DNAJB2: variants seen among roughly 807,000 people sequenced by gnomAD.
The protein encoded by DNAJB2 is dnaJ homolog subfamily B member 2.
A neutral mutation model predicts 33.3 loss-of-function variants in DNAJB2; 19 were observed. That is an observed-to-expected ratio of 0.57 (90% CI 0.40 to 0.84). The LOEUF is 0.84. Among genes scored for constraint, DNAJB2 ranks in the 40% least tolerant of loss-of-function variants. The pLI is 0.00. For synonymous variants in DNAJB2, 172 were observed against 164.6 expected, an observed-to-expected ratio of 1.04 and a Z score of -0.34; for missense variants, 368 against 430.9, an observed-to-expected ratio of 0.85 and a Z score of 1.29.
Position 219,285,126 on chromosome 2 carries a change from C to G in DNAJB2, c.*139C>G, listed in dbSNP as rs1460350277. ...CCTCCACAAGTTTCCCTCCCAGGCC[C>G]CCCACACCCCAGTGTGGACTTGGGA... On this transcript the variant is annotated 3_prime_UTR_variant, in exon 9 of 9. Coordinates refer to ENST00000336576, the MANE Select transcript of DNAJB2 (RefSeq NM_006736.6). The G allele has an allele frequency of 6.5e-6, 9 of 1,377,776 alleles. No individual in the cohort carries two copies. The highest frequency in any genetic ancestry group is 1.4e-5 in the African/African-American group (1 of 68,994). The allele number at this position is 1,377,776 out of a possible 1,614,324, so 85.3% of individuals were successfully genotyped here. A position where few individuals can be genotyped will look rare whatever the true frequency, so the allele number is the denominator to read the frequency against.
At chr2:219,280,082 A>C (rs914530440) in intron 2 of DNAJB2, 184 bp downstream of exon 2, 1 of 627,674 alleles carries the variant, frequency 1.6e-6, no homozygotes, top group African/African-American at 1.8e-5. Context: ...GAGAACGTCC[A>C]GAGAGTGAAG....
At chr2:219,282,728 A>G (rs966554868) in intron 5 of DNAJB2, 109 bp from the exon 6 acceptor site, 35 of 1,091,896 alleles carry the variant, frequency 3.2e-5, no homozygotes, top group Non-Finnish European at 4.4e-5. Flanking sequence ...AGCGGAAAAG[A>G]AAAACCCTAC....
Position 219,280,574 on chromosome 2 carries a change from G to A in DNAJB2, c.66-4G>A, listed in dbSNP as rs753872606. The A allele has an allele frequency of 8.9e-5, 144 of 1,612,682 alleles. No individual in the cohort carries two copies. The highest frequency in any genetic ancestry group is 1.1e-4 in the Non-Finnish European group (128 of 1,178,970). On this transcript the variant is annotated splice_polypyrimidine_tract_variant and splice_region_variant and intron_variant, in intron 2 of 8. Transcript: ENST00000336576. ...ACTCTCTCCTCTGCACCCACTTTCT[G>A]CAGGTATCGGCGCAAGGCTCTCCAG... is the stretch of plus-strand genomic sequence containing the variant.
In DNAJB2 at chr2:219,282,825, T is replaced by A. The variant is rs752999271; in HGVS notation, c.353-12T>A. On this transcript the variant is annotated splice_polypyrimidine_tract_variant and intron_variant, in intron 5 of 8. Transcript: ENST00000336576. ...ATTACCAGATGACTGCTAATCTGTT[T>A]ACTTGTTGCAGATGACCTGGGCCCC... The A allele has an allele frequency of 1.0e-5, 16 of 1,563,978 alleles. No individual in the cohort carries two copies. The highest frequency in any genetic ancestry group is 2.1e-5 in the Admixed American group (1 of 48,408).
rs759870940 is a variant in DNAJB2 at position 219,284,930 on chromosome 2, A to G, written c.918A>G (p.Glu306=). The part of the protein sequence containing the change: ...LGGTQEGARG[E]ATKRSPSPEE... Reference sequence around the variant, plus strand: ...GGACCCAGGAGGGTGCGAGGGGTGAAGCAACCAAACGCAGTCCATCCCCAG... The same window carrying G: ...GGACCCAGGAGGGTGCGAGGGGTGAGGCAACCAAACGCAGTCCATCCCCAG... The change falls in exon 9 of 9, where the codon GAA becomes GAG. Residue 306 remains glutamate (E), a synonymous_variant. Coordinates refer to ENST00000336576, the MANE Select transcript of DNAJB2 (RefSeq NM_006736.6). The G allele has an allele frequency of 3.2e-6, 5 of 1,575,316 alleles. No individual in the cohort carries two copies. Among genetic ancestry groups the G allele is most frequent in the Non-Finnish European group, 4.3e-6 (5 of 1,156,826 alleles).
intron 3 of DNAJB2, chr2:219,281,425 A>G (rs1420044639): frequency 9.3e-6 from 4 of 428,182 alleles, no homozygotes; most frequent in African/African-American, 2.0e-5. Context: ...AACACTTTCT[A>G]TGTGTCAGGC....
intron 3 of DNAJB2, 51 bp from the exon 4 acceptor site, chr2:219,281,667 A>C: frequency 6.2e-7 from 1 of 1,611,836 alleles, no homozygotes; most frequent in Non-Finnish European, 8.5e-7. Context: ...CTAGCCTGGG[A>C]GGGGAGCCCA....
intron 3 of DNAJB2, 44 bp downstream of exon 3, chr2:219,280,731 T>C (rs1167741377): frequency 2.2e-6 from 3 of 1,384,694 alleles, no homozygotes. Flanking sequence ...CACCCCCTAC[T>C]TCATGCCCCA....
chr2:219,284,896 G>A lies in DNAJB2; in HGVS notation c.884G>A (p.Gly295Asp). The change falls in exon 9 of 9, where the codon GGC becomes GAC. Residue 295 changes from glycine to aspartate, a missense_variant. By Grantham distance (94) the Gly-to-Asp change is moderately conservative (BLOSUM62 -1). Transcript: ENST00000336576. The part of the protein sequence containing the change: ...GRPKAQHQDP[G>D]LGGTQEGARG... ...CCCAAGGCCCAGCACCAAGATCCAG[G>A]CTTGGGGGGGACCCAGGAGGGTGCG... 2 of 1,604,366 alleles carry A rather than the reference G, an allele frequency of 1.2e-6. No homozygotes were observed.
Position 219,283,435 on chromosome 2 carries a change from C to T in DNAJB2, c.565C>T (p.Gln189Ter). 6.2e-7 allele frequency: 1 copy of T among 1,614,090 alleles called. No individual in the cohort carries two copies. Among genetic ancestry groups the T allele is most frequent in the Non-Finnish European group, 8.5e-7 (1 of 1,179,988 alleles). Residue 189 changes from glutamine to a stop codon, truncating the protein, a stop_gained, in exon 8 of 9, where the codon CAG (glutamine) becomes TAG (stop). Transcript: ENST00000336576. LOFTEE classifies it high-confidence loss of function. The stretch of plus-strand genomic sequence containing the variant: ...CTCCCACAGAATCATGGAGAACGGG[C>T]AGGAGCGGGTGGAAGTGGAGGAGGA... ...ITTRRIMENG[Q>*]ERVEVEEDGQ...
rs1951904750 is a variant in DNAJB2 at position 219,281,643 on chromosome 2, A to G, written c.176-75A>G. On this transcript the variant is annotated intron_variant, in intron 3 of 8. Transcript: ENST00000336576. The stretch of plus-strand genomic sequence containing the variant: ...GTGTCAGAGTGTCAGTCTCTGGACA[A>G]TCCTTTGAACGTCCTAGCCTGGGAG... The G allele has an allele frequency of 7.5e-6, 12 of 1,596,512 alleles. No homozygotes were observed. In the East Asian group the frequency reaches 1.3e-4, roughly 18 times the overall value.
chr2:219,281,887 C>T (rs202090561), intron 4 of DNAJB2, 52 bp from the exon 5 acceptor site: 557 of 1,610,558 alleles, frequency 3.5e-4, no homozygotes, highest in Non-Finnish European at 4.5e-4. Flanking sequence ...TGAGGTCCCC[C>T]GCTCAGGGCA....
chr2:219,286,403 G>A lies in DNAJB2; in HGVS notation c.*1416G>A. On this transcript the variant is annotated 3_prime_UTR_variant, in exon 9 of 9. Transcript: ENST00000336576. ...GCAGGGTTGTAGATGAAGGGGGAAT[G>A]ATCTGAGCCTTGGTTCCCCTGACAC... 1 of 187,306 alleles carries A rather than the reference G, an allele frequency of 5.3e-6. No individual in the cohort carries two copies. Among genetic ancestry groups the A allele is most frequent in the Non-Finnish European group, 1.1e-5 (1 of 88,362 alleles). The allele number at this position is 187,306 out of a possible 1,614,324, so 11.6% of individuals were successfully genotyped here.
At position 219,285,982 on chromosome 2, in the gene DNAJB2, C is replaced by T. The variant is rs765125063; in HGVS notation, c.*995C>T. The T allele has an allele frequency of 1.3e-5, 21 of 1,612,604 alleles. No homozygotes were observed. Among genetic ancestry groups the T allele is most frequent in the Non-Finnish European group, 1.6e-5 (19 of 1,179,794 alleles). ...CCTGTCACCCCGCCCCTGCTCTCTC[C>T]CCAGATGTGTTCTGAGCTGGATGCC... is the stretch of plus-strand genomic sequence containing the variant. On this transcript the variant is annotated 3_prime_UTR_variant, in exon 9 of 9. Coordinates refer to ENST00000336576, the MANE Select transcript of DNAJB2 (RefSeq NM_006736.6).
In DNAJB2 at chr2:219,284,281, A is replaced by C. The variant is rs555040917; in HGVS notation, c.620-351A>C. On this transcript the variant is annotated intron_variant, in intron 8 of 8. Coordinates refer to ENST00000336576, the MANE Select transcript of DNAJB2 (RefSeq NM_006736.6). ...TATTTTGTAGAGATGGGGTCTCACT[A>C]TGTTGCCTAGGCTAGTCTCGAACTT... is the stretch of plus-strand genomic sequence containing the variant. Among the ~76,000 whole-genome samples the C allele has an allele frequency of 3.3e-5, 5 of 151,836 alleles. No individual in the cohort carries two copies. In the East Asian group the frequency reaches 7.7e-4, roughly 24 times the overall value.
At chr2:219,282,261 C>A in intron 5 of DNAJB2, 200 bp downstream of exon 5, 1 of 668,224 alleles carries the variant, frequency 1.5e-6, no homozygotes, top group Non-Finnish European at 2.6e-6. Flanking sequence ...AGTGACACTT[C>A]ACAGACTCAC....
In DNAJB2 at chr2:219,281,723, A is replaced by AAG; in HGVS notation, c.182_183dup (p.Arg62SerfsTer13). 1 of 1,614,034 alleles carries AAG rather than the reference A, an allele frequency of 6.2e-7. No homozygotes were observed. On this transcript the variant is annotated frameshift_variant, in exon 4 of 9. Coordinates refer to ENST00000336576, the MANE Select transcript of DNAJB2 (RefSeq NM_006736.6). LOFTEE classifies it high-confidence loss of function. ...GATCTGGTCTCTTTTTGCAGAGCAC[A>AAG]AGCGGGAGATTTACGACCGCTATGG...
In DNAJB2 at chr2:219,285,046, G is replaced by A. The variant is rs1399692364; in HGVS notation, c.*59G>A. 2.1e-6 allele frequency: 3 copies of A among 1,439,704 alleles called. No individual in the cohort carries two copies. Among genetic ancestry groups the A allele is most frequent in the African/African-American group, 1.4e-5 (1 of 69,800 alleles). 89.2% of individuals were successfully genotyped at this position (1,439,704 alleles called of 1,614,324 possible). ...GACTGGGGGGTCTGACTCACTGTGGGAAGAGAAGAGGGGAGTATCCTGAGT... is the reference window on the plus strand; with the variant it reads ...GACTGGGGGGTCTGACTCACTGTGGAAAGAGAAGAGGGGAGTATCCTGAGT... On this transcript the variant is annotated 3_prime_UTR_variant, in exon 9 of 9. Transcript: ENST00000336576.
chr2:219,279,506 C>G lies in DNAJB2; in HGVS notation c.-49C>G. ...CGGGGCGCCGCAGGAGGCCGGGACT[C>G]CTGGCGGAGGAGGTGCGGCCGGGGG... On this transcript the variant is annotated 5_prime_UTR_variant, in exon 1 of 9. Coordinates refer to ENST00000336576, the MANE Select transcript of DNAJB2 (RefSeq NM_006736.6). This position sits in a 1 kb window ranked among gnomAD's most constrained non-coding sequence, Gnocchi z 4.9. 3.7e-6 allele frequency: 1 copy of G among 268,190 alleles called. No individual in the cohort carries two copies. Among genetic ancestry groups the G allele is most frequent in the Non-Finnish European group, 7.1e-6 (1 of 140,010 alleles). The allele number at this position is 268,190 out of a possible 1,614,324, so 16.6% of individuals were successfully genotyped here. A position where few individuals can be genotyped will look rare whatever the true frequency, so the allele number is the denominator to read the frequency against.
Sources: gnomAD v4.1 joint callset for allele counts (sites outside exome capture counted in the v4.1 genomes callset) on GRCh38, gnomAD v4.1.1 for gene constraint, Gnocchi (gnomAD v3.1) non-coding constraint, MANE v1.5 for transcripts, NCBI Gene and HGNC (gene_info 2026-07-23, HGNC 2026-07-21) for gene names.